The following CAMK1D variants were observed in gnomAD, a reference collection of about 807,000 sequenced individuals.
The protein encoded by CAMK1D is calcium/calmodulin-dependent protein kinase type 1D.
A neutral mutation model predicts 47.7 loss-of-function variants in CAMK1D; 9 were observed. The ratio of observed to expected loss-of-function variants is 0.19; its 90% CI spans 0.11 to 0.33. The LOEUF is 0.33. CAMK1D is among the 10% of genes least tolerant of loss of function. The probability of loss-of-function intolerance (pLI) is 1.00; values close to 1 mark genes in which losing one functional copy is unlikely to be tolerated. For synonymous variants in CAMK1D, 184 were observed against 184.9 expected (o/e 0.99, Z 0.04); for missense variants, 291 against 488.7 (o/e 0.60, Z 3.81).
intron 1 of CAMK1D, among the ~76,000 whole-genome samples, chr10:12,508,298 A>G (rs941979503): frequency 2.6e-5 from 4 of 152,284 alleles, no homozygotes; most frequent in Non-Finnish European, 5.9e-5. Context: ...TGGTCTCTCC[A>G]TGCAGTGGAA....
At chr10:12,553,439 T>G in intron 2 of CAMK1D, 83 bp downstream of exon 2, 4 of 1,211,796 alleles carry the variant, frequency 3.3e-6, no homozygotes, top group Non-Finnish European at 4.8e-6. Context: ...GAGGCAGACT[T>G]TCCCCGGGGG....
intron 5 of CAMK1D, among the ~76,000 whole-genome samples, chr10:12,772,755 G>A (rs936599332): frequency 2.0e-4 from 30 of 152,176 alleles, no homozygotes; most frequent in African/African-American, 6.8e-4. Context: ...GAGGAGGCTG[G>A]GGGAGAGGAG....
intron 1 of CAMK1D, among the ~76,000 whole-genome samples, chr10:12,511,472 G>A (rs1476708911): frequency 6.6e-6 from 1 of 152,114 alleles, no homozygotes. Flanking sequence ...TTGGTCAGGT[G>A]TGGTGGTGCA....
chr10:12,651,987 G>T lies in CAMK1D; in HGVS notation c.225-14749G>T, dbSNP rs997922695. Among the ~76,000 whole-genome samples, 7 of 150,854 alleles carry T rather than the reference G, an allele frequency of 4.6e-5. No homozygotes were observed. The South Asian group carries it at 1.3e-3, about 27-fold the overall frequency. On this transcript the variant is annotated intron_variant, in intron 2 of 10. Coordinates refer to ENST00000619168, the MANE Select transcript of CAMK1D (RefSeq NM_153498.4). ...GTAGAGATGGGGTTTCACTGTGTTAGCCAGGATGGCCTCTATCTCCTGACC... is the reference window on the plus strand; with the variant it reads ...GTAGAGATGGGGTTTCACTGTGTTATCCAGGATGGCCTCTATCTCCTGACC...
intron 3 of CAMK1D, among the ~76,000 whole-genome samples, chr10:12,735,986 G>C (rs1835169164): frequency 6.6e-6 from 1 of 152,194 alleles, no homozygotes; most frequent in Admixed American, 6.5e-5. Flanking sequence ...GAATACTGTG[G>C]CTCCCTCTGG....
intron 1 of CAMK1D, among the ~76,000 whole-genome samples, chr10:12,441,572 G>A (rs1229496811): frequency 6.6e-6 from 1 of 151,930 alleles, no homozygotes; most frequent in Non-Finnish European, 1.5e-5. Context: ...CAGCACTTTG[G>A]GAGGCTGAGG....
chr10:12,569,546 TA>T (rs1395815274), intron 2 of CAMK1D, among the ~76,000 whole-genome samples: 2 of 98,054 alleles, frequency 2.0e-5, no homozygotes, highest in East Asian at 5.0e-4. Flanking sequence ...CCATCTCTAC[TA>T]AAAATACAAA....
At chr10:12,429,317 T>C (rs1840361002) in intron 1 of CAMK1D, among the ~76,000 whole-genome samples, 1 of 151,926 alleles carries the variant, frequency 6.6e-6, no homozygotes, top group Admixed American at 6.6e-5. Flanking sequence ...TGTCCCATGC[T>C]CTCTTCCCCT....
intron 1 of CAMK1D, among the ~76,000 whole-genome samples, chr10:12,503,537 G>A (rs1834771216): frequency 6.6e-6 from 1 of 152,152 alleles, no homozygotes; most frequent in Non-Finnish European, 1.5e-5. Context: ...GGGCAAGAGC[G>A]GGCTCCCAGG....
intron 5 of CAMK1D, among the ~76,000 whole-genome samples, chr10:12,783,530 A>C (rs1165523428): frequency 3.9e-5 from 6 of 152,106 alleles, no homozygotes. Flanking sequence ...GCTTCTTGGC[A>C]CGTCCTTGGG....
intron 2 of CAMK1D, among the ~76,000 whole-genome samples, chr10:12,620,781 C>T (rs1315153147): frequency 6.6e-6 from 1 of 152,102 alleles, no homozygotes; most frequent in African/African-American, 2.4e-5. Context: ...TGATGAAGTC[C>T]AATTTTTCTT....
chr10:12,728,652 C>G (rs1834760222), intron 3 of CAMK1D, among the ~76,000 whole-genome samples: 1 of 152,212 alleles, frequency 6.6e-6, no homozygotes, highest in South Asian at 2.1e-4. Context: ...GCGCTGTGGA[C>G]AGCTGCGTTA....
chr10:12,575,077 AT>A (rs1837451599), intron 2 of CAMK1D, among the ~76,000 whole-genome samples: 1 of 151,390 alleles, frequency 6.6e-6, no homozygotes. Flanking sequence ...TATCACTCCT[AT>A]TTTTTTCTTT....
At chr10:12,647,839 C>T (rs1839853621) in intron 2 of CAMK1D, among the ~76,000 whole-genome samples, 1 of 152,166 alleles carries the variant, frequency 6.6e-6, no homozygotes, top group African/African-American at 2.4e-5. Context: ...ACTTTGAATG[C>T]ACTTCTGGGG....
intron 1 of CAMK1D, among the ~76,000 whole-genome samples, chr10:12,438,570 C>T (rs183076970): frequency 1.3e-3 from 195 of 152,240 alleles, no homozygotes; most frequent in Middle Eastern, 6.8e-3. Context: ...CTTGTCTTTA[C>T]TGGGGCCATT....
chr10:12,477,988 C>A (rs1260047173), intron 1 of CAMK1D, among the ~76,000 whole-genome samples: 1 of 148,160 alleles, frequency 6.7e-6, no homozygotes, highest in African/African-American at 2.4e-5. Context: ...CTTTATATCA[C>A]CTTTTCTTTT....
At chr10:12,703,138 A>G (rs1187067852) in intron 3 of CAMK1D, among the ~76,000 whole-genome samples, 1 of 152,076 alleles carries the variant, frequency 6.6e-6, no homozygotes, top group Non-Finnish European at 1.5e-5. Flanking sequence ...CTAGTTGTCA[A>G]ATACACCCGG....
At chr10:12,531,626 A>G (rs953326546) in intron 1 of CAMK1D, among the ~76,000 whole-genome samples, 14 of 152,234 alleles carry the variant, frequency 9.2e-5, no homozygotes, top group African/African-American at 3.1e-4. Context: ...TTTGCACAGA[A>G]AGAGCGTGGG....
Position 12,828,631 on chromosome 10 carries a change from A to C in CAMK1D, c.1040-138A>C, listed in dbSNP as rs1420849458. The C allele has an allele frequency of 9.3e-6, 6 of 644,028 alleles. 1 individual carries two copies. The highest frequency in any genetic ancestry group is 5.6e-5 in the East Asian group (2 of 35,410). 39.9% of individuals were successfully genotyped at this position (644,028 alleles called of 1,614,324 possible). The stretch of plus-strand genomic sequence containing the variant: ...ACTCCAGCCTGGTGAAAAGAGTGAA[A>C]CTCCATCTCAAGAAAAAAAAAAAAT... On this transcript the variant is annotated intron_variant, in intron 10 of 10. Coordinates refer to ENST00000619168, the MANE Select transcript of CAMK1D (RefSeq NM_153498.4).
Sources: gnomAD v4.1 joint callset for allele counts (sites outside exome capture counted in the v4.1 genomes callset) on GRCh38, gnomAD v4.1.1 for gene constraint, MANE v1.5 for transcripts, NCBI Gene and HGNC (gene_info 2026-07-23, HGNC 2026-07-21) for gene names.